The following UBN2 variants were observed in gnomAD, a reference collection of about 807,000 sequenced individuals.
UBN2 encodes the protein ubinuclein 2.
UBN2 carries 35 observed loss-of-function variants against 120.2 expected under a neutral mutation model. That is an observed-to-expected ratio of 0.29 (90% CI 0.22 to 0.39). The LOEUF (loss-of-function observed/expected upper bound fraction) is 0.39, where lower values mean the gene tolerates loss of function less well. Ranked by LOEUF, UBN2 falls within the 10% of genes least tolerant of loss-of-function variation. The probability of loss-of-function intolerance (pLI) is 1.00; values close to 1 mark genes in which losing one functional copy is unlikely to be tolerated. For synonymous variants in UBN2, 661 were observed against 648.7 expected (o/e 1.02, Z -0.29); for missense variants, 1,693 against 1,663.2 (o/e 1.02, Z -0.31).
chr7:139,248,974 T>C (rs1280312213), intron 2 of UBN2, among the ~76,000 whole-genome samples: 2 of 151,962 alleles, frequency 1.3e-5, no homozygotes, highest in East Asian at 3.9e-4. Context: ...GGGTATGTTG[T>C]ATGTATATAT....
intron 2 of UBN2, among the ~76,000 whole-genome samples, chr7:139,250,231 G>A (rs1178835053): frequency 6.6e-6 from 1 of 151,984 alleles, no homozygotes; most frequent in Non-Finnish European, 1.5e-5. Context: ...GCCAGACCTT[G>A]TGTCATTTTT....
intron 13 of UBN2, among the ~76,000 whole-genome samples, chr7:139,280,375 T>C (rs1222974720): frequency 1.3e-5 from 2 of 152,104 alleles, no homozygotes; most frequent in Non-Finnish European, 2.9e-5. Flanking sequence ...ACAAAGTAGA[T>C]TTGAAAGAGA....
chr7:139,277,275 C>T (rs949588199), intron 12 of UBN2: 4 of 152,094 alleles, frequency 2.6e-5, no homozygotes, highest in African/African-American at 4.8e-5. Context: ...TGGAACAACA[C>T]GGGAGTTAGG....
intron 7 of UBN2, among the ~76,000 whole-genome samples, chr7:139,269,096 C>T (rs1174079619): frequency 6.6e-6 from 1 of 152,086 alleles, no homozygotes; most frequent in Non-Finnish European, 1.5e-5. Context: ...GTAATCCTGG[C>T]TACCTGGGAG....
At chr7:139,310,755 A>C (rs1563236739), downstream of UBN2, among the ~76,000 whole-genome samples, 1 of 152,236 alleles carries the variant, frequency 6.6e-6, no homozygotes, top group Non-Finnish European at 1.5e-5. Flanking sequence ...CCTGGGCGAC[A>C]GAGTGAGACG....
At position 139,306,512 on chromosome 7, in the gene UBN2, T is replaced by C. The variant is rs980632605; in HGVS notation, c.*8676T>C. 2.6e-5 allele frequency: 4 copies of C among 152,238 alleles called. No homozygotes were observed. Among genetic ancestry groups the C allele is most frequent in the Non-Finnish European group, 5.9e-5 (4 of 68,044 alleles). The allele number at this position is 152,238 out of a possible 1,614,324, so 9.4% of individuals were successfully genotyped here. Reference sequence around the variant, plus strand: ...CCTATTTTTGAGTCTTGGCTATGCCTTTGTAATTAGTTACATATACCTTCT... The same window carrying C: ...CCTATTTTTGAGTCTTGGCTATGCCCTTGTAATTAGTTACATATACCTTCT... On this transcript the variant is annotated 3_prime_UTR_variant, in exon 18 of 18. Coordinates refer to ENST00000473989, the MANE Select transcript of UBN2 (RefSeq NM_173569.4).
chr7:139,272,782 C>T (rs1797323514), intron 9 of UBN2, among the ~76,000 whole-genome samples: 1 of 152,206 alleles, frequency 6.6e-6, no homozygotes, highest in Non-Finnish European at 1.5e-5. Context: ...CTGCCTCAGC[C>T]TCCCAAAGTG....
chr7:139,235,254 G>A (rs1584981529), intron 1 of UBN2, among the ~76,000 whole-genome samples: 2 of 152,112 alleles, frequency 1.3e-5, no homozygotes, highest in Admixed American at 1.3e-4. Flanking sequence ...TAGGCATGGC[G>A]ATTGCTTACT....
At chr7:139,281,189 G>A (rs1218023757) in intron 13 of UBN2, among the ~76,000 whole-genome samples, 1 of 152,152 alleles carries the variant, frequency 6.6e-6, no homozygotes, top group East Asian at 1.9e-4. Context: ...GTGTTAGGAT[G>A]ATATGGGGGA....
At position 139,283,716 on chromosome 7, in the gene UBN2, G is replaced by C; in HGVS notation, c.2811G>C (p.Gln937His). The C allele has an allele frequency of 3.1e-6, 5 of 1,613,964 alleles. No individual in the cohort carries two copies. Among genetic ancestry groups the C allele is most frequent in the East Asian group, 2.2e-5 (1 of 44,884 alleles). ...TGCACCAGCATTCAGCTGTCCAGCA[G>C]AACTATGTGTCTCCATTACAGGCCA... ...TKVHQHSAVQQNYVSPLQATI... is the reference protein window; with the variant it reads ...TKVHQHSAVQHNYVSPLQATI... Residue 937 changes from glutamine (Q) to histidine (H), a missense_variant, in exon 15 of 18, where the codon CAG (glutamine) becomes CAC (histidine). By Grantham distance (24) the Gln-to-His change is conservative (BLOSUM62 0). Transcript: ENST00000473989.
the UBN2 span, among the ~76,000 whole-genome samples, chr7:139,314,400 A>G: frequency 6.6e-6 from 1 of 151,512 alleles, no homozygotes; most frequent in Non-Finnish European, 1.5e-5. Flanking sequence ...GAGAGGTTGC[A>G]GTGAGCTGCT....
intron 12 of UBN2, among the ~76,000 whole-genome samples, chr7:139,277,941 A>G (rs1488667468): frequency 6.6e-6 from 1 of 152,218 alleles, no homozygotes; most frequent in Non-Finnish European, 1.5e-5. Context: ...ACCGTTTAAC[A>G]GTATACTATA....
chr7:139,256,749 T>C (rs1164495094), intron 3 of UBN2, among the ~76,000 whole-genome samples: 2 of 152,224 alleles, frequency 1.3e-5, no homozygotes, highest in Non-Finnish European at 2.9e-5. Flanking sequence ...CTGTAAGATC[T>C]TTATAATAGT....
chr7:139,322,588 T>C, the UBN2 span, among the ~76,000 whole-genome samples: 1 of 151,614 alleles, frequency 6.6e-6, no homozygotes, highest in South Asian at 2.1e-4. Context: ...TCATTGGAAC[T>C]TTGGAGTTTT....
At chr7:139,284,794 A>G (rs1797735848) in intron 15 of UBN2, among the ~76,000 whole-genome samples, 1 of 152,062 alleles carries the variant, frequency 6.6e-6, no homozygotes, top group Non-Finnish European at 1.5e-5. Flanking sequence ...TTTAAGTAAC[A>G]AAGGTGCACC....
chr7:139,244,126 C>T (rs1796396728), intron 2 of UBN2, among the ~76,000 whole-genome samples: 1 of 152,192 alleles, frequency 6.6e-6, no homozygotes, highest in Admixed American at 6.5e-5. Context: ...CTGTGAGTTT[C>T]TTGCCCCAGA....
chr7:139,295,290 A>G (rs1798076653), intron 17 of UBN2, among the ~76,000 whole-genome samples: 2 of 152,204 alleles, frequency 1.3e-5, no homozygotes, highest in Non-Finnish European at 2.9e-5. Context: ...TGGGTAACAC[A>G]GAGTCGTGGC....
At chr7:139,268,443 A>G (rs1334869674) in intron 7 of UBN2, among the ~76,000 whole-genome samples, 1 of 152,160 alleles carries the variant, frequency 6.6e-6, no homozygotes, top group Non-Finnish European at 1.5e-5. Context: ...GAAGCTATCC[A>G]GTTGTATTGG....
At chr7:139,246,641 A>C (rs1164045278) in intron 2 of UBN2, among the ~76,000 whole-genome samples, 5 of 152,230 alleles carry the variant, frequency 3.3e-5, no homozygotes, top group African/African-American at 4.8e-5. Flanking sequence ...CAATCCTGTA[A>C]CCACTACTAC....
Sources: allele counts gnomAD v4.1 joint callset (sites outside exome capture counted in the v4.1 genomes callset), GRCh38; gene constraint gnomAD v4.1.1; transcripts MANE v1.5; gene names NCBI Gene and HGNC (gene_info 2026-07-23, HGNC 2026-07-21).